Variants in KIF20B observed in about 807,000 individuals in gnomAD.
KIF20B encodes kinesin family member 20B.
Under a neutral mutation model 232.5 loss-of-function variants are expected in KIF20B, and 188 were observed. The ratio of observed to expected loss-of-function variants is 0.81; its 90% CI spans 0.72 to 0.91. KIF20B has a LOEUF of 0.91. Ranked by LOEUF, KIF20B falls within the 40% of genes least tolerant of loss-of-function variation. The pLI is 0.00. For missense variants in KIF20B, 2,154 were observed against 2,055.9 expected, an observed-to-expected ratio of 1.05 and a Z score of -0.92; for synonymous variants, 712 against 683.0, an observed-to-expected ratio of 1.04 and a Z score of -0.66.
At chr10:89,762,956 C>A in intron 29 of KIF20B, 121 bp downstream of exon 29, 1 of 686,248 alleles carries the variant, frequency 1.5e-6, no homozygotes, top group Non-Finnish European at 2.5e-6. Context: ...AGACCAAAAT[C>A]ACAATTTATG....
Position 89,762,619 on chromosome 10 carries a change from C to T in KIF20B, c.4792-19C>T, listed in dbSNP as rs1465487279. The stretch of plus-strand genomic sequence containing the variant: ...GTATACTCTACAAATAATATTTTTC[C>T]TTTTACATTCTGTTGTAGGATGGAT... On this transcript the variant is annotated intron_variant, in intron 28 of 32. Coordinates refer to ENST00000371728, the MANE Select transcript of KIF20B (RefSeq NM_001284259.2). 1 of 1,576,016 alleles carries T rather than the reference C, an allele frequency of 6.3e-7. No homozygotes were observed. The highest frequency in any genetic ancestry group is 8.7e-7 in the Non-Finnish European group (1 of 1,149,934).
intron 23 of KIF20B, among the ~76,000 whole-genome samples, chr10:89,748,220 G>A (rs1414187508): frequency 6.6e-6 from 1 of 152,172 alleles, no homozygotes; most frequent in Non-Finnish European, 1.5e-5. Flanking sequence ...ATGTTGGCCA[G>A]GCTAGTCTTG....
chr10:89,711,004 A>G lies in KIF20B; in HGVS notation c.534A>G (p.Val178=), dbSNP rs773945432. ...GCATTCTGCCTCGAACTTTGAATGT[A>G]TTATTTGATAGTCTTCAAGAAAGAC... is the stretch of plus-strand genomic sequence containing the variant. The part of the protein sequence containing the change: ...NIGILPRTLN[V]LFDSLQERLY... Residue 178 remains valine, a synonymous_variant, in exon 6 of 33, where the codon GTA becomes GTG. Transcript: ENST00000371728. 1 of 1,608,090 alleles carries G rather than the reference A, an allele frequency of 6.2e-7. No homozygotes were observed.
chr10:89,761,888 A>G (rs1012171864), intron 28 of KIF20B, among the ~76,000 whole-genome samples: 5 of 152,170 alleles, frequency 3.3e-5, no homozygotes, highest in Admixed American at 1.3e-4. Flanking sequence ...CAGTTATTTT[A>G]TATTCCACAA....
intron 2 of KIF20B, among the ~76,000 whole-genome samples, chr10:89,706,049 A>G (rs887401239): frequency 2.6e-5 from 4 of 152,210 alleles, no homozygotes; most frequent in Non-Finnish European, 5.9e-5. Context: ...CTAGGAATAC[A>G]AACTGTATAA....
chr10:89,742,593 T>A (rs140820701), intron 21 of KIF20B, among the ~76,000 whole-genome samples: 31 of 152,174 alleles, frequency 2.0e-4, no homozygotes, highest in African/African-American at 7.5e-4. Context: ...ATATTATGAA[T>A]ATGTGATTAT....
At chr10:89,715,539 A>G (rs1296916900) in intron 8 of KIF20B, among the ~76,000 whole-genome samples, 1 of 152,218 alleles carries the variant, frequency 6.6e-6, no homozygotes, top group Non-Finnish European at 1.5e-5. Flanking sequence ...TTTTAAAACA[A>G]TTATTCACAG....
intron 18 of KIF20B, among the ~76,000 whole-genome samples, chr10:89,732,163 G>C (rs201776102): frequency 6.7e-6 from 1 of 149,030 alleles, no homozygotes; most frequent in African/African-American, 2.5e-5. Context: ...TCATCACTCT[G>C]TTGCCCAGGC....
Position 89,760,575 on chromosome 10 carries a change from C to G in KIF20B, c.4730C>G (p.Pro1577Arg), listed in dbSNP as rs1485711702. 1 of 1,613,170 alleles carries G rather than the reference C, an allele frequency of 6.2e-7. No individual in the cohort carries two copies. Among genetic ancestry groups the G allele is most frequent in the South Asian group, 1.1e-5 (1 of 91,042 alleles). Reference protein sequence around the residue: ...IKPKRISSADPDKLQTEPLST... With the variant: ...IKPKRISSADRDKLQTEPLST... ...CCCAAACGTATTAGTTCAGCAGATC[C>G]TGACAAACTTCAAACTGAACCTCTA... The change falls in exon 28 of 33, where the codon CCT (proline) becomes CGT (arginine). Residue 1577 changes from proline (P) to arginine (R), a missense_variant. Coordinates refer to ENST00000371728, the MANE Select transcript of KIF20B (RefSeq NM_001284259.2).
chr10:89,760,788 G>A (rs570172974), intron 28 of KIF20B, 152 bp downstream of exon 28: 18 of 527,954 alleles, frequency 3.4e-5, no homozygotes, highest in African/African-American at 2.1e-4. Flanking sequence ...TTTGAGGAGA[G>A]GTGAAATTCT....
At chr10:89,750,670 C>G (rs1024252162) in intron 23 of KIF20B, among the ~76,000 whole-genome samples, 6 of 152,124 alleles carry the variant, frequency 3.9e-5, no homozygotes, top group Admixed American at 3.3e-4. Flanking sequence ...AACTGATCTT[C>G]CCTCTTTATC....
Position 89,768,374 on chromosome 10 carries a change from G to T in KIF20B, c.5074G>T (p.Val1692Phe). ...TATTTCAGATGATAGAAATTCTTCT[G>T]TCAAAAAGGAACAAAAGGTGTGTCT... Reference protein sequence around the residue: ...FPISDDRNSSVKKEQKVAIRP... With the variant: ...FPISDDRNSSFKKEQKVAIRP... The change falls in exon 30 of 33, where the codon GTC (valine) becomes TTC (phenylalanine). Residue 1692 changes from valine to phenylalanine, a missense_variant. Coordinates refer to ENST00000371728, the MANE Select transcript of KIF20B (RefSeq NM_001284259.2). The T allele has an allele frequency of 6.4e-7, 1 of 1,574,540 alleles. No individual in the cohort carries two copies. Among genetic ancestry groups the T allele is most frequent in the Non-Finnish European group, 8.7e-7 (1 of 1,154,708 alleles).
chr10:89,725,111 CGAG>C lies in KIF20B; in HGVS notation c.1955_1957del (p.Arg652_Glu653delinsGln). The C allele has an allele frequency of 6.2e-7, 1 of 1,613,542 alleles. No individual in the cohort carries two copies. Among genetic ancestry groups the C allele is most frequent in the Non-Finnish European group, 8.5e-7 (1 of 1,179,756 alleles). On this transcript the variant is annotated inframe_deletion, in exon 15 of 33. Transcript: ENST00000371728. ...GGATTTGGTTGGTAAATGTGACACT[CGAG>C]AAGAAGCAGCGAAAGACATTTGTGC...
intron 12 of KIF20B, 140 bp from the exon 13 acceptor site, chr10:89,719,279 G>C: frequency 1.7e-6 from 1 of 600,260 alleles, no homozygotes; most frequent in Non-Finnish European, 2.8e-6. Context: ...TAGGGATGGT[G>C]ATTCCTGTTT....
At chr10:89,759,664 C>T (rs1344880653) in intron 27 of KIF20B, among the ~76,000 whole-genome samples, 2 of 152,116 alleles carry the variant, frequency 1.3e-5, no homozygotes, top group African/African-American at 2.4e-5. Context: ...AGAAGAATTA[C>T]TTAACATTTC....
In KIF20B at chr10:89,737,618, AT is replaced by A. The variant is rs1355284246; in HGVS notation, c.2780del (p.Leu927Ter). On this transcript the variant is annotated frameshift_variant, in exon 20 of 33. Transcript: ENST00000371728. LOFTEE classifies it high-confidence loss of function. ...QQELSLSEKK[N>X]LTLSKEVQQI... ...GAACTTTCTCTTTCTGAAAAAAAGAATTTAACTTTAAGTAAAGAGGTCCAAC... is the reference window on the plus strand; with the variant it reads ...GAACTTTCTCTTTCTGAAAAAAAGAATTAACTTTAAGTAAAGAGGTCCAAC... The A allele has an allele frequency of 6.2e-7, 1 of 1,606,464 alleles. No homozygotes were observed. Among genetic ancestry groups the A allele is most frequent in the Non-Finnish European group, 8.5e-7 (1 of 1,176,962 alleles).
chr10:89,743,395 G>C (rs1219730903), intron 21 of KIF20B, among the ~76,000 whole-genome samples: 1 of 152,052 alleles, frequency 6.6e-6, no homozygotes, highest in Non-Finnish European at 1.5e-5. Flanking sequence ...GTCATTATTA[G>C]CTTTTAAAGT....
intron 20 of KIF20B, 151 bp from the exon 21 acceptor site, chr10:89,738,806 CA>C: frequency 8.8e-7 from 1 of 1,136,726 alleles, no homozygotes; most frequent in Non-Finnish European, 1.2e-6. Flanking sequence ...TTATAAAAAT[CA>C]TATGAAATAT....
rs1307561148 is a variant in KIF20B at position 89,737,681 on chromosome 10, T to C, written c.2840T>C (p.Leu947Ser). The change falls in exon 20 of 33, where the codon TTA (leucine) becomes TCA (serine). Residue 947 changes from leucine (L) to serine (S), a missense_variant. Transcript: ENST00000371728. ...QSNYDIAIAELHVQKSKNQEQ... is the reference protein window; with the variant it reads ...QSNYDIAIAESHVQKSKNQEQ... ...AATTATGATATTGCAATTGCTGAATTACATGTGCAGAAAAGTAAAAATCAA... is the reference window on the plus strand; with the variant it reads ...AATTATGATATTGCAATTGCTGAATCACATGTGCAGAAAAGTAAAAATCAA... 2 of 1,613,042 alleles carry C rather than the reference T, an allele frequency of 1.2e-6. No homozygotes were observed. Among genetic ancestry groups the C allele is most frequent in the Non-Finnish European group, 1.7e-6 (2 of 1,179,426 alleles).
Sources: allele counts gnomAD v4.1 joint callset (sites outside exome capture counted in the v4.1 genomes callset), GRCh38; gene constraint gnomAD v4.1.1; transcripts MANE v1.5; gene names NCBI Gene and HGNC (gene_info 2026-07-23, HGNC 2026-07-21).